LRRC4C: variants seen among roughly 807,000 people sequenced by gnomAD.
LRRC4C encodes leucine rich repeat containing 4C.
LRRC4C carries 5 observed loss-of-function variants against 33.6 expected under a neutral mutation model. That is an observed-to-expected ratio of 0.15 (90% CI 0.08 to 0.31). The LOEUF (loss-of-function observed/expected upper bound fraction) is 0.31, where lower values mean the gene tolerates loss of function less well. Ranked by LOEUF, LRRC4C falls within the 10% of genes least tolerant of loss-of-function variation. The pLI, the probability that LRRC4C is intolerant of heterozygous loss-of-function variation, is 1.00. For synonymous variants in LRRC4C, 329 were observed against 302.0 expected (o/e 1.09, Z -0.93); for missense variants, 560 against 796.7 (o/e 0.70, Z 3.58).
chr11:40,916,130 TCAG>T (rs1181120452), intron 2 of LRRC4C, among the ~76,000 whole-genome samples: 1 of 152,178 alleles, frequency 6.6e-6, no homozygotes. Context: ...ATTGTGGAAG[TCAG>T]TGTAGCGATT....
chr11:40,398,990 T>G (rs548542646), intron 3 of LRRC4C, among the ~76,000 whole-genome samples: 1 of 152,114 alleles, frequency 6.6e-6, no homozygotes, highest in Non-Finnish European at 1.5e-5. Flanking sequence ...ATTAACATAC[T>G]GGTGAACAAA....
chr11:40,891,871 C>T lies in LRRC4C; in HGVS notation c.-407+41764G>A, dbSNP rs183431143. On this transcript the variant is annotated intron_variant, in intron 2 of 6. Coordinates refer to ENST00000528697, the MANE Select transcript of LRRC4C (RefSeq NM_001258419.2). ...TCTTCGGGGGCTGGGCGTGGTGGCT[C>T]ACACCTATAATCCCAGCACTTTGGG... is the stretch of plus-strand genomic sequence containing the variant. Among the ~76,000 whole-genome samples, 42 of 152,062 alleles carry T rather than the reference C, an allele frequency of 2.8e-4. 1 individual carries two copies. In the East Asian group the frequency reaches 7.6e-3, roughly 27 times the overall value.
chr11:40,804,438 G>C (rs1951163594), intron 2 of LRRC4C, among the ~76,000 whole-genome samples: 1 of 152,058 alleles, frequency 6.6e-6, no homozygotes. Flanking sequence ...TCACTTCCCT[G>C]GGATGTGCAC....
intron 1 of LRRC4C, among the ~76,000 whole-genome samples, chr11:41,296,580 G>T (rs1950150011): frequency 6.6e-6 from 1 of 152,052 alleles, no homozygotes; most frequent in African/African-American, 2.4e-5. Flanking sequence ...CTCCCAGTGT[G>T]CTGGGATTAC....
chr11:40,851,298 T>C (rs1216686376), intron 2 of LRRC4C, among the ~76,000 whole-genome samples: 2 of 152,012 alleles, frequency 1.3e-5, no homozygotes, highest in African/African-American at 2.4e-5. Context: ...GGTGGGTGGG[T>C]TGTGAAGACC....
At chr11:41,420,239 G>C (rs1331754173) in intron 1 of LRRC4C, among the ~76,000 whole-genome samples, 1 of 151,756 alleles carries the variant, frequency 6.6e-6, no homozygotes, top group African/African-American at 2.4e-5. Context: ...AGAGATCCAG[G>C]GGCAACACAG....
At chr11:40,569,278 G>A (rs1957882688) in intron 3 of LRRC4C, among the ~76,000 whole-genome samples, 1 of 152,114 alleles carries the variant, frequency 6.6e-6, no homozygotes, top group South Asian at 2.1e-4. Flanking sequence ...CTCAGATGCT[G>A]AAACTGATAT....
At chr11:41,230,475 A>C (rs1338211365) in intron 1 of LRRC4C, among the ~76,000 whole-genome samples, 1 of 152,068 alleles carries the variant, frequency 6.6e-6, no homozygotes, top group African/African-American at 2.4e-5. Flanking sequence ...CGGATGCCTT[A>C]AGCATAGCTT....
chr11:40,603,719 C>T (rs1421241758), intron 3 of LRRC4C, among the ~76,000 whole-genome samples: 1 of 152,090 alleles, frequency 6.6e-6, no homozygotes, highest in Non-Finnish European at 1.5e-5. Context: ...ACCCTTAAGG[C>T]CTTACTAAGA....
chr11:40,848,767 G>A lies in LRRC4C; in HGVS notation c.-407+84868C>T, dbSNP rs1042695824. Among the ~76,000 whole-genome samples the A allele has an allele frequency of 3.3e-5, 5 of 152,200 alleles. No homozygotes were observed. In the East Asian group the frequency reaches 9.7e-4, roughly 29 times the overall value. On this transcript the variant is annotated intron_variant, in intron 2 of 6. Transcript: ENST00000528697. Reference sequence around the variant, plus strand: ...GGTGTTAAATTCTCCCATTGTTATTGCGTGGGAGTCTATGTCTCCTTGTAG... The same window carrying A: ...GGTGTTAAATTCTCCCATTGTTATTACGTGGGAGTCTATGTCTCCTTGTAG...
intron 2 of LRRC4C, among the ~76,000 whole-genome samples, chr11:40,656,680 C>A (rs566530996): frequency 3.3e-5 from 5 of 152,068 alleles, no homozygotes; most frequent in African/African-American, 1.2e-4. Context: ...ACTATGTAAA[C>A]CTATGCTAAT....
At chr11:41,110,848 A>G (rs1941786978) in intron 1 of LRRC4C, among the ~76,000 whole-genome samples, 1 of 151,990 alleles carries the variant, frequency 6.6e-6, no homozygotes, top group Non-Finnish European at 1.5e-5. Context: ...TAAAGTATTT[A>G]TTTGTTCTAT....
At chr11:40,988,673 G>A (rs559443606) in intron 1 of LRRC4C, among the ~76,000 whole-genome samples, 114 of 149,614 alleles carry the variant, frequency 7.6e-4, no homozygotes, top group Non-Finnish European at 1.3e-3. Flanking sequence ...ACCTGTTCCA[G>A]TGCAAACAAC....
intron 3 of LRRC4C, among the ~76,000 whole-genome samples, chr11:40,606,401 A>G (rs1321035759): frequency 6.6e-6 from 1 of 152,210 alleles, no homozygotes; most frequent in Non-Finnish European, 1.5e-5. Flanking sequence ...CCCTGAGAAT[A>G]TTTAGCCCAA....
intron 5 of LRRC4C, among the ~76,000 whole-genome samples, chr11:40,198,473 A>G (rs1383144002): frequency 6.6e-6 from 1 of 152,236 alleles, no homozygotes; most frequent in African/African-American, 2.4e-5. Flanking sequence ...TTATAATATC[A>G]ATGCAAATAT....
intron 2 of LRRC4C, among the ~76,000 whole-genome samples, chr11:40,678,351 C>A (rs529840158): frequency 1.3e-5 from 2 of 152,054 alleles, no homozygotes; most frequent in Admixed American, 6.6e-5. Flanking sequence ...CATTTCCATG[C>A]GCACCAGATA....
intron 2 of LRRC4C, among the ~76,000 whole-genome samples, chr11:40,765,667 GA>G (rs369457496): frequency 2.6e-3 from 395 of 151,876 alleles, no homozygotes; most frequent in African/African-American, 9.4e-3. Context: ...TTCTACAGCT[GA>G]AAAATGCAAT....
intron 3 of LRRC4C, among the ~76,000 whole-genome samples, chr11:40,627,878 G>C (rs554778825): frequency 6.6e-6 from 1 of 152,156 alleles, no homozygotes. Flanking sequence ...CAGATAAGCA[G>C]TTCTGGTGAA....
chr11:40,264,890 T>C (rs1175144995), intron 4 of LRRC4C, among the ~76,000 whole-genome samples: 2 of 152,150 alleles, frequency 1.3e-5, no homozygotes, highest in Non-Finnish European at 2.9e-5. Context: ...CATTTCTACA[T>C]ACATGGCAAG....
Sources: gnomAD v4.1 joint callset for allele counts (sites outside exome capture counted in the v4.1 genomes callset) on GRCh38, gnomAD v4.1.1 for gene constraint, MANE v1.5 for transcripts, NCBI Gene and HGNC (gene_info 2026-07-23, HGNC 2026-07-21) for gene names.